Variants in AFF3 observed in about 807,000 individuals in gnomAD.
The protein encoded by AFF3 is ALF transcription elongation factor 3, also known as AF4/FMR2 family member 3.
AFF3 carries 32 observed loss-of-function variants against 129.7 expected under a neutral mutation model. That is an observed-to-expected ratio of 0.25 (90% CI 0.19 to 0.33). The LOEUF (loss-of-function observed/expected upper bound fraction) is 0.33. Ranked by LOEUF, AFF3 falls within the 10% of genes least tolerant of loss-of-function variation. The probability of loss-of-function intolerance (pLI) is 1.00; values close to 1 mark genes in which losing one functional copy is unlikely to be tolerated. For missense variants in AFF3, 1,373 were observed against 1,592.0 expected (o/e 0.86, Z 2.34); for synonymous variants, 644 against 635.4 (o/e 1.01, Z -0.20).
At chr2:99,743,805 T>C (rs1010690392) in intron 10 of AFF3, among the ~76,000 whole-genome samples, 1 of 152,204 alleles carries the variant, frequency 6.6e-6, no homozygotes, top group African/African-American at 2.4e-5. Flanking sequence ...TTTAAGTTTT[T>C]TTCTCCCTCC....
chr2:99,675,093 C>T (rs1280260453), intron 11 of AFF3, among the ~76,000 whole-genome samples: 1 of 152,130 alleles, frequency 6.6e-6, no homozygotes, highest in Non-Finnish European at 1.5e-5. Flanking sequence ...GAAAAGCAGT[C>T]AGAGTTCAAC....
intron 4 of AFF3, among the ~76,000 whole-genome samples, chr2:100,027,924 A>G (rs927876869): frequency 6.0e-4 from 91 of 152,206 alleles, no homozygotes; most frequent in Non-Finnish European, 9.7e-4. Flanking sequence ...GTATCTCATT[A>G]CTTTACTATG....
Position 99,816,333 on chromosome 2 carries a change from T to A in AFF3, c.921+21144A>T, listed in dbSNP as rs1363617086. 2.0e-5 allele frequency among the ~76,000 whole-genome samples: 3 copies of A among 152,230 alleles called. No homozygotes were observed. In the East Asian group the frequency reaches 5.8e-4, roughly 29 times the overall value. On this transcript the variant is annotated intron_variant, in intron 8 of 24. Coordinates refer to ENST00000672756, the MANE Select transcript of AFF3 (RefSeq NM_001386135.1). ...TTGTCTGAGAGTTCTAACATCTGTG[T>A]CAAATCTAATTCTACTTCTGATGAC...
intron 7 of AFF3, among the ~76,000 whole-genome samples, chr2:99,975,704 G>A (rs995822303): frequency 1.3e-5 from 2 of 149,092 alleles, no homozygotes; most frequent in African/African-American, 4.9e-5. Context: ...ATGAGCAATT[G>A]TGGACACAGC....
rs1335352983 is a variant in AFF3, at chr2:99,917,887, C to T, written c.874-80363G>A. ...CCTGCGAACAGTGCGCAAAAAAATTCTGTTGGGTATTTATTATATGGCCGT... is the reference window on the plus strand; with the variant it reads ...CCTGCGAACAGTGCGCAAAAAAATTTTGTTGGGTATTTATTATATGGCCGT... On this transcript the variant is annotated intron_variant, in intron 7 of 24. Coordinates refer to ENST00000672756, the MANE Select transcript of AFF3 (RefSeq NM_001386135.1). Among the ~76,000 whole-genome samples, 8 of 152,138 alleles carry T rather than the reference C, an allele frequency of 5.3e-5. No homozygotes were observed. In the South Asian group the frequency reaches 1.7e-3, roughly 32 times the overall value.
chr2:99,852,230 C>T (rs1407260759), intron 7 of AFF3, among the ~76,000 whole-genome samples: 1 of 152,146 alleles, frequency 6.6e-6, no homozygotes, highest in Non-Finnish European at 1.5e-5. Flanking sequence ...CTGCTTCCTG[C>T]TTTCAATCTG....
At chr2:99,568,784 G>A in intron 19 of AFF3, 68 bp downstream of exon 19, 1 of 1,436,330 alleles carries the variant, frequency 7.0e-7, no homozygotes, top group Non-Finnish European at 9.8e-7. Flanking sequence ...CAGCTATATT[G>A]TCCCAGTGAT....
intron 16 of AFF3, among the ~76,000 whole-genome samples, chr2:99,584,740 C>T (rs1677924371): frequency 6.6e-6 from 1 of 152,120 alleles, no homozygotes; most frequent in Non-Finnish European, 1.5e-5. Flanking sequence ...AGGATACTTC[C>T]AGAGGTCACC....
At chr2:99,660,961 G>A (rs1023971003) in intron 12 of AFF3, among the ~76,000 whole-genome samples, 13 of 152,116 alleles carry the variant, frequency 8.5e-5, no homozygotes, top group East Asian at 1.9e-4. Context: ...AGCCCTACTC[G>A]GAGAAGCTTT....
chr2:99,737,473 G>A (rs974099278), intron 10 of AFF3, among the ~76,000 whole-genome samples: 1 of 151,688 alleles, frequency 6.6e-6, no homozygotes, highest in African/African-American at 2.4e-5. Context: ...ACAATCCTAA[G>A]CTGATAGTTA....
rs1036167533 is a variant in AFF3 at position 99,547,572 on chromosome 2, T to C, written c.*3902A>G. ...GAAAAATGTTATTTAAAAATATATA[T>C]GTATATGCTACTGCACAGTTTCAAA... is the stretch of plus-strand genomic sequence containing the variant. On this transcript the variant is annotated 3_prime_UTR_variant, in exon 25 of 25. Coordinates refer to ENST00000672756, the MANE Select transcript of AFF3 (RefSeq NM_001386135.1). The C allele has an allele frequency of 2.9e-5, 6 of 204,020 alleles. No individual in the cohort carries two copies. The highest frequency in any genetic ancestry group is 4.6e-5 in the African/African-American group (2 of 43,638). 12.6% of individuals were successfully genotyped at this position (204,020 alleles called of 1,614,324 possible).
Position 99,650,971 on chromosome 2 carries a change from C to T in AFF3, c.1144-1305G>A, listed in dbSNP as rs183511592. 9.4e-3 allele frequency among the ~76,000 whole-genome samples: 1,421 copies of T among 151,872 alleles called. 21 individuals carry two copies. The highest frequency in any genetic ancestry group is 0.032 in the African/African-American group (1,312 of 41,402). On this transcript the variant is annotated intron_variant, in intron 12 of 24. Transcript: ENST00000672756. Reference sequence around the variant, plus strand: ...GGTGGATCACCTGAGGTCAGGAGTTCGAGACCAGCCTGACCAACAGGGAGA... The same window carrying T: ...GGTGGATCACCTGAGGTCAGGAGTTTGAGACCAGCCTGACCAACAGGGAGA...
chr2:99,585,553 G>C (rs1159765294), intron 16 of AFF3, among the ~76,000 whole-genome samples: 2 of 152,068 alleles, frequency 1.3e-5, no homozygotes, highest in Non-Finnish European at 2.9e-5. Context: ...TTTTAACCTG[G>C]GGTCCAATAA....
chr2:99,778,897 CGTGTGTGTGTGTGT>C (rs61526527), intron 8 of AFF3, among the ~76,000 whole-genome samples: 12 of 43,204 alleles, frequency 2.8e-4, no homozygotes, highest in African/African-American at 3.5e-4. Context: ...TGTGTGTGCG[CGTGTGTGTGTGTGT>C]GTGTGTGTGT....
chr2:99,898,680 G>A (rs558167253), intron 7 of AFF3, among the ~76,000 whole-genome samples: 2 of 152,124 alleles, frequency 1.3e-5, no homozygotes, highest in Admixed American at 1.3e-4. Context: ...TGCTGCACCC[G>A]GATACTGAGG....
Position 100,137,712 on chromosome 2 carries a change from C to G in AFF3, c.-228+4772G>C, listed in dbSNP as rs1692693017. Among the ~76,000 whole-genome samples, 4 of 152,322 alleles carry G rather than the reference C, an allele frequency of 2.6e-5. No individual in the cohort carries two copies. In the South Asian group the frequency reaches 8.3e-4, roughly 32 times the overall value. On this transcript the variant is annotated intron_variant, in intron 1 of 24. Transcript: ENST00000672756. Reference sequence around the variant, plus strand: ...GGCGGGGACCTCTCATCTGTGTTTCCTGAGGGTCACCTAGCCTCTTTGAGC... The same window carrying G: ...GGCGGGGACCTCTCATCTGTGTTTCGTGAGGGTCACCTAGCCTCTTTGAGC...
chr2:100,020,495 C>T (rs752926964), intron 4 of AFF3, among the ~76,000 whole-genome samples: 8 of 152,128 alleles, frequency 5.3e-5, no homozygotes, highest in Non-Finnish European at 1.0e-4. Flanking sequence ...GTGGCCTTCT[C>T]AAGTCAGGTT....
chr2:99,685,088 G>A (rs748848304), intron 11 of AFF3, among the ~76,000 whole-genome samples: 11 of 151,854 alleles, frequency 7.2e-5, no homozygotes, highest in African/African-American at 1.7e-4. Flanking sequence ...ACAGGTGCCC[G>A]CCACCACACC....
chr2:99,964,739 A>G (rs1677574988), intron 7 of AFF3, among the ~76,000 whole-genome samples: 1 of 152,208 alleles, frequency 6.6e-6, no homozygotes, highest in African/African-American at 2.4e-5. Context: ...AGAATTATGC[A>G]CCATGATTTA....
Sources: allele counts gnomAD v4.1 joint callset (sites outside exome capture counted in the v4.1 genomes callset), GRCh38; gene constraint gnomAD v4.1.1; transcripts MANE v1.5; gene names NCBI Gene and HGNC (gene_info 2026-07-23, HGNC 2026-07-21).